The following RBKS variants were observed in gnomAD, a reference collection of about 807,000 sequenced individuals.
RBKS encodes the protein ribokinase.
In RBKS, 33 loss-of-function variants were observed where a neutral mutation model predicts 33.9. The ratio of observed to expected loss-of-function variants is 0.97; its 90% CI spans 0.74 to 1.30. The LOEUF is 1.30. RBKS is among the 50% of genes most tolerant of loss of function. The pLI, the probability that RBKS is intolerant of heterozygous loss-of-function variation, is 0.00. For missense variants in RBKS, 361 were observed against 392.6 expected (o/e 0.92, Z 0.68); for synonymous variants, 125 against 143.0 (o/e 0.87, Z 0.90).
chr2:27,875,638 G>A (rs182021984), intron 1 of RBKS, among the ~76,000 whole-genome samples: 1 of 152,168 alleles, frequency 6.6e-6, no homozygotes, highest in African/African-American at 2.4e-5. Flanking sequence ...AAACAGACAT[G>A]AGTCCAAAAG....
intron 7 of RBKS, among the ~76,000 whole-genome samples, chr2:27,821,040 CA>C (rs59964452): frequency 0.013 from 880 of 68,434 alleles, 4 homozygotes; most frequent in Middle Eastern, 0.028. Flanking sequence ...AACTCCATCT[CA>C]AAAAAAAAAA....
intron 7 of RBKS, among the ~76,000 whole-genome samples, chr2:27,799,385 A>AG (rs1677730004): frequency 6.6e-6 from 1 of 152,168 alleles, no homozygotes; most frequent in Admixed American, 6.5e-5. Context: ...CAAACTGCCG[A>AG]GGGACCCTAA....
chr2:27,791,064 C>G (rs973074036), intron 7 of RBKS, among the ~76,000 whole-genome samples: 2 of 152,108 alleles, frequency 1.3e-5, no homozygotes, highest in African/African-American at 4.8e-5. Flanking sequence ...TGTGGCACAT[C>G]CAGACAAGGC....
At chr2:27,889,394 T>C (rs773272034) in intron 1 of RBKS, among the ~76,000 whole-genome samples, 10 of 152,206 alleles carry the variant, frequency 6.6e-5, no homozygotes, top group South Asian at 2.1e-4. Context: ...CAAAGTAGCA[T>C]TACAACTGAA....
intron 7 of RBKS, among the ~76,000 whole-genome samples, chr2:27,816,893 G>A (rs1418872582): frequency 3.9e-5 from 6 of 152,168 alleles, no homozygotes; most frequent in East Asian, 1.9e-4. Context: ...CACCGCGCCC[G>A]GCCTAAGGAT....
chr2:27,798,892 TAGC>T (rs1220334902), intron 7 of RBKS, among the ~76,000 whole-genome samples: 1 of 152,234 alleles, frequency 6.6e-6, no homozygotes, highest in Non-Finnish European at 1.5e-5. Context: ...ATTTATTGCC[TAGC>T]ACTATGTTCA....
At chr2:27,877,264 T>C (rs1327038028) in intron 1 of RBKS, among the ~76,000 whole-genome samples, 2 of 152,044 alleles carry the variant, frequency 1.3e-5, no homozygotes, top group African/African-American at 4.8e-5. Flanking sequence ...CTTTGTTACA[T>C]GGGTGGTTGA....
At chr2:27,888,326 C>A (rs969403920) in intron 1 of RBKS, among the ~76,000 whole-genome samples, 3 of 152,092 alleles carry the variant, frequency 2.0e-5, no homozygotes, top group Non-Finnish European at 4.4e-5. Context: ...TGGGGTTTCA[C>A]CATGTTCGCT....
chr2:27,789,990 G>T (rs1313033917), intron 7 of RBKS, among the ~76,000 whole-genome samples: 14 of 125,216 alleles, frequency 1.1e-4, no homozygotes, highest in African/African-American at 3.4e-4. Context: ...TATATGTAGA[G>T]AGAGAGAGAG....
chr2:27,836,796 G>A (rs1471978282), intron 5 of RBKS, among the ~76,000 whole-genome samples: 5 of 151,928 alleles, frequency 3.3e-5, no homozygotes, highest in African/African-American at 1.2e-4. Flanking sequence ...TACATAAATC[G>A]ACAAGCAAAA....
intron 7 of RBKS, among the ~76,000 whole-genome samples, chr2:27,826,822 C>T (rs955110146): frequency 3.9e-5 from 6 of 152,116 alleles, no homozygotes; most frequent in Admixed American, 3.9e-4. Flanking sequence ...ATGGCTTGTT[C>T]ACTTAGCACA....
At chr2:27,887,947 C>T (rs546425372) in intron 1 of RBKS, among the ~76,000 whole-genome samples, 2 of 152,162 alleles carry the variant, frequency 1.3e-5, no homozygotes, top group Non-Finnish European at 2.9e-5. Flanking sequence ...AAAACCCTGA[C>T]GGATGCTAAA....
intron 1 of RBKS, among the ~76,000 whole-genome samples, chr2:27,874,438 C>T (rs1321963302): frequency 6.6e-6 from 1 of 152,216 alleles, no homozygotes; most frequent in African/African-American, 2.4e-5. Flanking sequence ...TAGGAGGCAA[C>T]TGTCCTGGGC....
At chr2:27,871,365 T>A (rs767613114) in intron 1 of RBKS, among the ~76,000 whole-genome samples, 1 of 152,232 alleles carries the variant, frequency 6.6e-6, no homozygotes, top group African/African-American at 2.4e-5. Flanking sequence ...CATGGCTTCG[T>A]TGGATAGCTA....
chr2:27,801,988 A>ATTTT (rs1558536532), intron 7 of RBKS, among the ~76,000 whole-genome samples: 2 of 86,890 alleles, frequency 2.3e-5, no homozygotes, highest in African/African-American at 5.6e-5. Flanking sequence ...ATATATATAT[A>ATTTT]TATATTTTTT....
At chr2:27,804,588 C>G (rs1432933604) in intron 7 of RBKS, among the ~76,000 whole-genome samples, 1 of 152,136 alleles carries the variant, frequency 6.6e-6, no homozygotes, top group South Asian at 2.1e-4. Flanking sequence ...GCACTTTGTG[C>G]GAAAAGTGAA....
chr2:27,816,549 A>AC (rs1429580119), intron 7 of RBKS, among the ~76,000 whole-genome samples: 5 of 152,072 alleles, frequency 3.3e-5, no homozygotes, highest in Non-Finnish European at 1.5e-5. Flanking sequence ...TCTGTAACTT[A>AC]GTTTTTTTTG....
At position 27,820,549 on chromosome 2, in the gene RBKS, T is replaced by TTC. The variant is rs10534268; in HGVS notation, c.795+7016_795+7017dup. On this transcript the variant is annotated intron_variant, in intron 7 of 7. Transcript: ENST00000302188. ...TAGACTCTTAGAAGGAGATTTACTA[T>TTC]TCTCTCTCTCTCTCTCTCTCTCTCT... is the stretch of plus-strand genomic sequence containing the variant. 8.7e-3 allele frequency among the ~76,000 whole-genome samples: 1,284 copies of TTC among 147,928 alleles called. 6 individuals are homozygous for TTC. Among genetic ancestry groups the TTC allele is most frequent in the East Asian group, 0.027 (131 of 4,922 alleles).
intron 1 of RBKS, among the ~76,000 whole-genome samples, chr2:27,863,664 T>C (rs1664032531): frequency 6.6e-6 from 1 of 152,270 alleles, no homozygotes; most frequent in African/African-American, 2.4e-5. Flanking sequence ...TTTTTGGCTT[T>C]TGCACTGATC....
Sources: gnomAD v4.1 joint callset for allele counts (sites outside exome capture counted in the v4.1 genomes callset) on GRCh38, gnomAD v4.1.1 for gene constraint, MANE v1.5 for transcripts, NCBI Gene and HGNC (gene_info 2026-07-23, HGNC 2026-07-21) for gene names.